The following HIP1 variants were observed in gnomAD, a reference collection of about 807,000 sequenced individuals.
The protein encoded by HIP1 is huntingtin interacting protein 1.
In HIP1, 65 loss-of-function variants were observed where a neutral mutation model predicts 147.6. The ratio of observed to expected loss-of-function variants is 0.44; its 90% CI spans 0.36 to 0.54. HIP1 has a LOEUF of 0.54. Among genes scored for constraint, HIP1 ranks in the 20% least tolerant of loss-of-function variants. The pLI is 0.00. For missense variants in HIP1, 1,061 were observed against 1,299.6 expected, an observed-to-expected ratio of 0.82 and a Z score of 2.82; for synonymous variants, 479 against 504.0, an observed-to-expected ratio of 0.95 and a Z score of 0.67.
intron 30 of HIP1, among the ~76,000 whole-genome samples, chr7:75,538,957 T>C (rs1483436749): frequency 2.0e-5 from 3 of 152,196 alleles, no homozygotes; most frequent in African/African-American, 7.2e-5. Context: ...CACTTGTCCC[T>C]GTCTGCCAGA....
Position 75,568,138 on chromosome 7 carries a change from G to A in HIP1, c.803+61C>T. 1 of 1,207,442 alleles carries A rather than the reference G, an allele frequency of 8.3e-7. No individual in the cohort carries two copies. The highest frequency in any genetic ancestry group is 1.2e-6 in the Non-Finnish European group (1 of 809,272). 74.8% of individuals were successfully genotyped at this position (1,207,442 alleles called of 1,614,324 possible). ...GCCACCTCTCACAGTGCACTTGCATGGCTTAATGATTTTATAGCGCTCTTG... is the reference window on the plus strand; with the variant it reads ...GCCACCTCTCACAGTGCACTTGCATAGCTTAATGATTTTATAGCGCTCTTG... On this transcript the variant is annotated intron_variant, in intron 9 of 30. Coordinates refer to ENST00000336926, the MANE Select transcript of HIP1 (RefSeq NM_005338.7). This position sits in a 1 kb window ranked among gnomAD's most constrained non-coding sequence, Gnocchi z 4.1.
intron 21 of HIP1, 151 bp from the exon 22 acceptor site, chr7:75,553,740 G>A (rs1206487916): frequency 4.3e-6 from 3 of 701,268 alleles, no homozygotes; most frequent in Non-Finnish European, 6.9e-6. Context: ...CAAGTAGCTG[G>A]GATTACGGGT....
Position 75,553,517 on chromosome 7 carries a change from C to T in HIP1, c.2231G>A (p.Ser744Asn), listed in dbSNP as rs782118686. Reference sequence around the variant, plus strand: ...GGCTGTGCTGTCGGCATTCTCAAGGCTTCCCTCTTCCTCCAGGGAGGCCAG... The same window carrying T: ...GGCTGTGCTGTCGGCATTCTCAAGGTTTCCCTCTTCCTCCAGGGAGGCCAG... ...AYLASLEEEG[S>N]LENADSTAMR... is the part of the protein sequence containing the mutation. Residue 744 changes from serine (S) to asparagine (N), a missense_variant, in exon 22 of 31, where the codon AGC (serine) becomes AAC (asparagine). Around this residue, in one of 3 missense-constraint regions of HIP1, gnomAD observed 810 missense variants for 946.8 expected, o/e 0.86. Transcript: ENST00000336926. 6.2e-7 allele frequency: 1 copy of T among 1,614,186 alleles called. No homozygotes were observed. Among genetic ancestry groups the T allele is most frequent in the Non-Finnish European group, 8.5e-7 (1 of 1,180,008 alleles).
rs374151055 is a variant in HIP1, at chr7:75,592,388, C to A, written c.311G>T (p.Arg104Leu). 1 of 1,608,642 alleles carries A rather than the reference C, an allele frequency of 6.2e-7. No homozygotes were observed. Among genetic ancestry groups the A allele is most frequent in the South Asian group, 1.1e-5 (1 of 90,814 alleles). Reference sequence around the variant, plus strand: ...GGAACTCACGTTCGGGTGTCCATCTCGGAGGAGTTTGTGGAACACATGGCA... The same window carrying A: ...GGAACTCACGTTCGGGTGTCCATCTAGGAGGAGTTTGTGGAACACATGGCA... ...KFCHVFHKLL[R>L]DGHPNVLKDS... Residue 104 changes from arginine to leucine, a missense_variant, in exon 3 of 31, where the codon CGA becomes CTA. Arg to Leu is a moderately radical substitution (Grantham distance 102). This residue lies in a region of HIP1 where 225 missense variants were observed against 292.9 expected (regional missense o/e 0.77). Coordinates refer to ENST00000336926, the MANE Select transcript of HIP1 (RefSeq NM_005338.7).
chr7:75,699,248 A>G (rs1303391826), intron 1 of HIP1, among the ~76,000 whole-genome samples: 1 of 152,076 alleles, frequency 6.6e-6, no homozygotes, highest in African/African-American at 2.4e-5. Context: ...AGATTCTTAC[A>G]AAGATATTTT....
At chr7:75,538,578 T>C (rs1386293039) in intron 30 of HIP1, among the ~76,000 whole-genome samples, 1 of 135,862 alleles carries the variant, frequency 7.4e-6, no homozygotes, top group Non-Finnish European at 1.7e-5. Context: ...TTCTTTTTTT[T>C]TTTTTTTTTT....
intron 27 of HIP1, among the ~76,000 whole-genome samples, chr7:75,543,633 G>A (rs367896346): frequency 1.6e-4 from 25 of 152,210 alleles, no homozygotes; most frequent in African/African-American, 4.1e-4. Context: ...CATCGTGCCC[G>A]GCCTGATTCA....
At chr7:75,592,975 G>A (rs1471698625) in intron 2 of HIP1, among the ~76,000 whole-genome samples, 1 of 152,140 alleles carries the variant, frequency 6.6e-6, no homozygotes, top group African/African-American at 2.4e-5. Context: ...ACAGCTATTT[G>A]TTGTGGTGGT....
At chr7:75,681,508 T>G (rs1467678328) in intron 1 of HIP1, among the ~76,000 whole-genome samples, 2,347 of 112,980 alleles carry the variant, frequency 0.021, 95 homozygotes, top group African/African-American at 0.068. Context: ...TTTTTTTTTT[T>G]TTTTTTTTTT....
At chr7:75,584,271 A>G (rs587768597) in intron 5 of HIP1, among the ~76,000 whole-genome samples, 1 of 149,226 alleles carries the variant, frequency 6.7e-6, no homozygotes. Flanking sequence ...GCCAAAAAAA[A>G]TTTTTTTTAA....
intron 1 of HIP1, among the ~76,000 whole-genome samples, chr7:75,660,675 G>C (rs1220009299): frequency 6.6e-6 from 1 of 152,102 alleles, no homozygotes; most frequent in Non-Finnish European, 1.5e-5. Context: ...AATGTTTGGG[G>C]CATATGAAAA....
chr7:75,722,068 C>T (rs1007622247), intron 1 of HIP1, among the ~76,000 whole-genome samples: 13 of 152,132 alleles, frequency 8.5e-5, no homozygotes, highest in East Asian at 3.9e-4. Flanking sequence ...CTTTGGGAGG[C>T]GGAGGCAGGA....
At chr7:75,591,826 G>A (rs1796510799) in intron 4 of HIP1, among the ~76,000 whole-genome samples, 1 of 152,036 alleles carries the variant, frequency 6.6e-6, no homozygotes, top group Non-Finnish European at 1.5e-5. Flanking sequence ...TTCATTGGCA[G>A]GAGAAGCTCC....
At chr7:75,645,860 G>A (rs1336598824) in intron 1 of HIP1, among the ~76,000 whole-genome samples, 1 of 152,142 alleles carries the variant, frequency 6.6e-6, no homozygotes, top group African/African-American at 2.4e-5. Flanking sequence ...AATACTGCAT[G>A]TTCTCCCTCA....
intron 1 of HIP1, among the ~76,000 whole-genome samples, chr7:75,709,488 C>G (rs574963803): frequency 3.9e-5 from 6 of 152,216 alleles, no homozygotes; most frequent in Non-Finnish European, 8.8e-5. Context: ...GTTCATTGTT[C>G]ATGTTTAAAA....
At chr7:75,558,277 T>C in intron 14 of HIP1, 22 bp from the exon 15 acceptor site, 1 of 1,591,910 alleles carries the variant, frequency 6.3e-7, no homozygotes, top group Non-Finnish European at 8.6e-7. Flanking sequence ...AGGACCAAGG[T>C]GAGGAGTCTA....
intron 1 of HIP1, among the ~76,000 whole-genome samples, chr7:75,628,445 T>C (rs1372983908): frequency 6.6e-6 from 1 of 151,642 alleles, no homozygotes; most frequent in Admixed American, 6.6e-5. Context: ...TTAACATTAA[T>C]CTAATATTAT....
intron 1 of HIP1, among the ~76,000 whole-genome samples, chr7:75,627,471 G>A (rs139122619): frequency 1.9e-3 from 287 of 152,242 alleles, no homozygotes; most frequent in African/African-American, 6.6e-3. Flanking sequence ...AGATCAAAGT[G>A]AGGGGCCCTT....
intron 1 of HIP1, among the ~76,000 whole-genome samples, chr7:75,666,887 C>T (rs1799579123): frequency 6.6e-6 from 1 of 152,090 alleles, no homozygotes; most frequent in South Asian, 2.1e-4. Context: ...CACCGTTATG[C>T]GACGCTCCAT....
Sources: gnomAD v4.1 joint callset for allele counts (sites outside exome capture counted in the v4.1 genomes callset) on GRCh38, gnomAD v4.1.1 for gene constraint, gnomAD v4.1.1 regional missense constraint, Gnocchi (gnomAD v3.1) non-coding constraint, MANE v1.5 for transcripts, NCBI Gene and HGNC (gene_info 2026-07-23, HGNC 2026-07-21) for gene names.